The following ABCA13 variants were observed in gnomAD, a reference collection of about 807,000 sequenced individuals.
ABCA13 encodes the protein ATP-binding cassette sub-family A member 13.
ABCA13 carries 476 observed loss-of-function variants against 478.7 expected under a neutral mutation model. That is an observed-to-expected ratio of 0.99 (90% CI 0.92 to 1.07). ABCA13 has a LOEUF of 1.07. ABCA13 is among the 50% of genes least tolerant of loss of function. The pLI, the probability that ABCA13 is intolerant of heterozygous loss-of-function variation, is 0.00. For missense variants in ABCA13, 6,060 were observed against 5,910.6 expected (o/e 1.03, Z -0.83); for synonymous variants, 2,252 against 2,158.9 (o/e 1.04, Z -1.20).
intron 48 of ABCA13, among the ~76,000 whole-genome samples, chr7:48,497,888 C>T (rs1563353733): frequency 6.6e-6 from 1 of 152,148 alleles, no homozygotes; most frequent in Non-Finnish European, 1.5e-5. Flanking sequence ...GCTTGGCATC[C>T]CTCTGTGCCC....
At chr7:48,314,491 G>T (rs1280304447) in intron 26 of ABCA13, 82 bp downstream of exon 26, 20 of 1,279,938 alleles carry the variant, frequency 1.6e-5, no homozygotes, top group Middle Eastern at 2.7e-4. Flanking sequence ...TAAGTATTCT[G>T]TCTGTGTATA....
chr7:48,352,049 C>T, intron 30 of ABCA13, 132 bp from the exon 31 acceptor site: 1 of 851,576 alleles, frequency 1.2e-6, no homozygotes, highest in Non-Finnish European at 1.8e-6. Context: ...CGGGCTGGGG[C>T]TCTGAGTCTG....
intron 40 of ABCA13, 65 bp from the exon 41 acceptor site, chr7:48,412,288 T>A: frequency 2.4e-6 from 3 of 1,248,366 alleles, no homozygotes; most frequent in Non-Finnish European, 3.3e-6. Flanking sequence ...ATACATGAAA[T>A]CAATTGATGT....
At chr7:48,356,469 G>T (rs189164061) in intron 31 of ABCA13, among the ~76,000 whole-genome samples, 1 of 151,586 alleles carries the variant, frequency 6.6e-6, no homozygotes, top group African/African-American at 2.4e-5. Context: ...AAACGGGGGG[G>T]ACAGCTGTGT....
Position 48,362,271 on chromosome 7 carries a change from G to A in ABCA13, c.10689-5523G>A, listed in dbSNP as rs557019159. Among the ~76,000 whole-genome samples the A allele has an allele frequency of 7.2e-5, 11 of 151,984 alleles. No homozygotes were observed. In the South Asian group the frequency reaches 1.7e-3, roughly 23 times the overall value. On this transcript the variant is annotated intron_variant, in intron 31 of 61. Coordinates refer to ENST00000435803, the MANE Select transcript of ABCA13 (RefSeq NM_152701.5). Reference sequence around the variant, plus strand: ...TTTTTCCTGTGGAGTTTGGCTTTTGGATATTTGTGCTTTGTTACTGTGTGC... The same window carrying A: ...TTTTTCCTGTGGAGTTTGGCTTTTGAATATTTGTGCTTTGTTACTGTGTGC...
At position 48,272,585 on chromosome 7, in the gene ABCA13, T is replaced by C. The variant is rs767426517; in HGVS notation, c.2919T>C (p.Tyr973=). Residue 973 remains tyrosine (Y), a synonymous_variant, in exon 17 of 62, where the codon TAT becomes TAC. Coordinates refer to ENST00000435803, the MANE Select transcript of ABCA13 (RefSeq NM_152701.5). The part of the protein sequence containing the change: ...QIYSSFYRYI[Y]ELLNIQSRGS... ...ATTCTTCATTTTACCGATATATTTATGAATTATTGAATATTCAGAGTAGAG... is the reference window on the plus strand; with the variant it reads ...ATTCTTCATTTTACCGATATATTTACGAATTATTGAATATTCAGAGTAGAG... 1.2e-6 allele frequency: 2 copies of C among 1,613,576 alleles called. No homozygotes were observed. The highest frequency in any genetic ancestry group is 3.3e-5 in the Admixed American group (2 of 59,992).
intron 59 of ABCA13, among the ~76,000 whole-genome samples, chr7:48,618,221 T>C (rs957152893): frequency 6.6e-6 from 1 of 152,182 alleles, no homozygotes; most frequent in Non-Finnish European, 1.5e-5. Flanking sequence ...CGTAAACCCA[T>C]GCCTGACTCT....
At chr7:48,526,325 T>A (rs2131018116) in intron 54 of ABCA13, among the ~76,000 whole-genome samples, 1 of 152,256 alleles carries the variant, frequency 6.6e-6, no homozygotes, top group Middle Eastern at 3.4e-3. Context: ...CCAACAGGGC[T>A]AAGAGATAAA....
chr7:48,372,644 C>T (rs1297943865), intron 33 of ABCA13, 147 bp downstream of exon 33: 2 of 729,398 alleles, frequency 2.7e-6, no homozygotes, highest in African/African-American at 1.8e-5. Context: ...TAAAATCTTA[C>T]CCACAAATGC....
chr7:48,636,124 C>A (rs1361799276), intron 59 of ABCA13, among the ~76,000 whole-genome samples: 2 of 151,978 alleles, frequency 1.3e-5, no homozygotes, highest in African/African-American at 4.8e-5. Flanking sequence ...TTTTTACAGC[C>A]CCTGCTTTCT....
intron 45 of ABCA13, among the ~76,000 whole-genome samples, chr7:48,479,529 G>A (rs576530220): frequency 6.6e-6 from 1 of 152,144 alleles, no homozygotes; most frequent in East Asian, 1.9e-4. Flanking sequence ...TGAGCCCCTC[G>A]ACTGGCTCTT....
chr7:48,302,177 T>A lies in ABCA13; in HGVS notation c.9321+3690T>A, dbSNP rs1800240947. Among the ~76,000 whole-genome samples, 3 of 152,202 alleles carry A rather than the reference T, an allele frequency of 2.0e-5. No individual in the cohort carries two copies. In the South Asian group the frequency reaches 6.2e-4, roughly 31 times the overall value. ...CACATGATGTTATTGCTTCAATTTGTTACAAATTAATAGTTCTAAGAAAAT... is the reference window on the plus strand; with the variant it reads ...CACATGATGTTATTGCTTCAATTTGATACAAATTAATAGTTCTAAGAAAAT... On this transcript the variant is annotated intron_variant, in intron 23 of 61. Coordinates refer to ENST00000435803, the MANE Select transcript of ABCA13 (RefSeq NM_152701.5).
chr7:48,353,505 A>T (rs924816022), intron 31 of ABCA13, among the ~76,000 whole-genome samples: 2 of 151,254 alleles, frequency 1.3e-5, no homozygotes, highest in African/African-American at 4.9e-5. Context: ...CTCATCCTTC[A>T]TCGAAACACT....
intron 55 of ABCA13, among the ~76,000 whole-genome samples, chr7:48,577,921 T>A (rs1015479918): frequency 6.6e-6 from 1 of 152,178 alleles, no homozygotes; most frequent in Non-Finnish European, 1.5e-5. Context: ...TCGTTCAATT[T>A]TTGAAAATCA....
chr7:48,410,754 A>G (rs1818905716), intron 40 of ABCA13, 77 bp downstream of exon 40: 1 of 1,547,820 alleles, frequency 6.5e-7, no homozygotes, highest in African/African-American at 1.4e-5. Context: ...TGACAGTTAC[A>G]TAGTAATAAC....
chr7:48,479,123 T>A (rs1030158365), intron 45 of ABCA13, among the ~76,000 whole-genome samples: 3 of 151,690 alleles, frequency 2.0e-5, no homozygotes, highest in Non-Finnish European at 4.4e-5. Context: ...AATTTTTTTT[T>A]GTATTTTTAG....
At chr7:48,303,749 A>C (rs1249548602) in intron 23 of ABCA13, among the ~76,000 whole-genome samples, 2 of 152,128 alleles carry the variant, frequency 1.3e-5, no homozygotes, top group African/African-American at 4.8e-5. Context: ...ATATTCTTTC[A>C]AGGTGTTTTT....
chr7:48,238,197 G>A (rs1024122305), intron 8 of ABCA13, among the ~76,000 whole-genome samples: 2 of 152,122 alleles, frequency 1.3e-5, no homozygotes, highest in Non-Finnish European at 2.9e-5. Flanking sequence ...TCTTTTATCA[G>A]GGTGCTAATC....
Position 48,422,843 on chromosome 7 carries a change from G to C in ABCA13, c.12460-4923G>C, listed in dbSNP as rs572657677. On this transcript the variant is annotated intron_variant, in intron 41 of 61. Transcript: ENST00000435803. ...AAGGGGGATCGAGGAAGGTCAGAGA[G>C]GAAGAAGGTGATGTTATGATGAGGC... 2.6e-5 allele frequency among the ~76,000 whole-genome samples: 4 copies of C among 152,354 alleles called. No individual in the cohort carries two copies. The South Asian group carries it at 8.3e-4, about 32-fold the overall frequency.
Sources: allele counts gnomAD v4.1 joint callset (sites outside exome capture counted in the v4.1 genomes callset), GRCh38; gene constraint gnomAD v4.1.1; transcripts MANE v1.5; gene names NCBI Gene and HGNC (gene_info 2026-07-23, HGNC 2026-07-21).